The following CUBN variants were observed in gnomAD, a reference collection of about 807,000 sequenced individuals.
The protein encoded by CUBN is cubilin.
Under a neutral mutation model 405.3 loss-of-function variants are expected in CUBN, and 282 were observed. The ratio of observed to expected loss-of-function variants is 0.70; its 90% CI spans 0.63 to 0.77. The LOEUF is 0.77. CUBN is among the 30% of genes least tolerant of loss of function. CUBN has a pLI of 0.00. For missense variants in CUBN, 4,514 were observed against 4,475.2 expected (o/e 1.01, Z -0.25); for synonymous variants, 1,684 against 1,617.0 (o/e 1.04, Z -0.99).
chr10:16,849,306 T>C (rs1364920103), intron 60 of CUBN, among the ~76,000 whole-genome samples: 1 of 152,202 alleles, frequency 6.6e-6, no homozygotes, highest in Admixed American at 6.5e-5. Flanking sequence ...CCTGTGCCTT[T>C]TGCCTTCTCC....
At chr10:17,083,762 A>T (rs35053832) in intron 17 of CUBN, among the ~76,000 whole-genome samples, 1 of 151,992 alleles carries the variant, frequency 6.6e-6, no homozygotes. Context: ...ACAATGTTTT[A>T]TCTTGCTCAA....
chr10:16,872,591 C>G (rs1840392417), intron 58 of CUBN, among the ~76,000 whole-genome samples: 1 of 152,148 alleles, frequency 6.6e-6, no homozygotes, highest in Admixed American at 6.5e-5. Flanking sequence ...CAAGAAGGTA[C>G]CTTCTATAAG....
chr10:16,949,176 C>T (rs540023830), intron 34 of CUBN, among the ~76,000 whole-genome samples: 2 of 152,264 alleles, frequency 1.3e-5, no homozygotes, highest in South Asian at 4.1e-4. Context: ...CAAGGTATTG[C>T]TATGTAACAG....
chr10:16,914,087 C>T lies in CUBN; in HGVS notation c.7352-95G>A, dbSNP rs934339429. 23 of 1,342,518 alleles carry T rather than the reference C, an allele frequency of 1.7e-5. No homozygotes were observed. In the African/African-American group the frequency reaches 2.2e-4, roughly 13 times the overall value. The allele number at this position is 1,342,518 out of a possible 1,614,324, so 83.2% of individuals were successfully genotyped here. The stretch of plus-strand genomic sequence containing the variant: ...CAAAATTCAGGTATTTAAAAATTAT[C>T]CTTCTAGATAAAATTAGTCTCCATA... On this transcript the variant is annotated intron_variant, in intron 47 of 66. Transcript: ENST00000377833.
chr10:17,047,814 G>A (rs1395107777), intron 22 of CUBN, among the ~76,000 whole-genome samples: 1 of 152,154 alleles, frequency 6.6e-6, no homozygotes, highest in Non-Finnish European at 1.5e-5. Flanking sequence ...CTATGGAGAG[G>A]AAATTGTTAT....
chr10:16,849,442 C>T (rs768588554), intron 60 of CUBN, among the ~76,000 whole-genome samples: 3 of 152,240 alleles, frequency 2.0e-5, no homozygotes, highest in East Asian at 3.9e-4. Flanking sequence ...CCTCTCTATT[C>T]GTGGAGCTGT....
rs1837261936 is a variant in CUBN at position 17,129,046 on chromosome 10, T to C, written c.252+75A>G. 4 of 1,162,922 alleles carry C rather than the reference T, an allele frequency of 3.4e-6. No individual in the cohort carries two copies. In the South Asian group the frequency reaches 5.3e-5, roughly 15 times the overall value. The allele number at this position is 1,162,922 out of a possible 1,614,324, so 72.0% of individuals were successfully genotyped here. ...AATTAAAAAAGATTCAAGGTACAGA[T>C]TAATCTAGACTTGTTCAATTAAGTC... is the stretch of plus-strand genomic sequence containing the variant. On this transcript the variant is annotated intron_variant, in intron 2 of 66. Transcript: ENST00000377833.
chr10:16,901,556 A>C (rs990923351), intron 51 of CUBN, 97 bp from the exon 52 acceptor site: 1 of 1,507,928 alleles, frequency 6.6e-7, no homozygotes, highest in African/African-American at 1.4e-5. Context: ...AGATTTTGTG[A>C]TTAAAAACAT....
chr10:17,016,621 G>T (rs2356214), intron 28 of CUBN, among the ~76,000 whole-genome samples: 57,051 of 151,716 alleles, frequency 0.38, 11,094 homozygotes, highest in East Asian at 0.6. Flanking sequence ...GGGAGAAGGG[G>T]ACATGTACCT....
At chr10:17,027,461 A>T (rs1248985851) in intron 27 of CUBN, among the ~76,000 whole-genome samples, 4 of 152,236 alleles carry the variant, frequency 2.6e-5, no homozygotes. Flanking sequence ...GATGACAGGA[A>T]ATCAATACCA....
intron 43 of CUBN, among the ~76,000 whole-genome samples, chr10:16,924,876 T>C (rs1225302754): frequency 1.3e-5 from 2 of 152,192 alleles, no homozygotes; most frequent in African/African-American, 2.4e-5. Flanking sequence ...GTAAGTCTTA[T>C]AATGTTTCTG....
At chr10:17,001,277 G>C (rs1833871538) in intron 28 of CUBN, among the ~76,000 whole-genome samples, 1 of 152,354 alleles carries the variant, frequency 6.6e-6, no homozygotes, top group South Asian at 2.1e-4. Context: ...AGCTTCCACA[G>C]CGTGCAGGGC....
intron 27 of CUBN, among the ~76,000 whole-genome samples, chr10:17,029,792 C>T (rs1231462146): frequency 6.6e-6 from 1 of 152,224 alleles, no homozygotes; most frequent in African/African-American, 2.4e-5. Flanking sequence ...TCATCTGCTT[C>T]TCTGCATCTC....
intron 31 of CUBN, 36 bp from the exon 32 acceptor site, chr10:16,954,584 A>C: frequency 6.2e-7 from 1 of 1,609,882 alleles, no homozygotes; most frequent in East Asian, 2.2e-5. Flanking sequence ...AGTGGTTCAG[A>C]TTCACATCTA....
chr10:16,835,772 T>C (rs1255899326), intron 63 of CUBN, among the ~76,000 whole-genome samples: 1 of 152,136 alleles, frequency 6.6e-6, no homozygotes, highest in African/African-American at 2.4e-5. Context: ...CTTTTTGATT[T>C]TTACAAAATA....
At chr10:16,981,091 A>G (rs1169320239) in intron 31 of CUBN, among the ~76,000 whole-genome samples, 1 of 151,612 alleles carries the variant, frequency 6.6e-6, no homozygotes, top group Non-Finnish European at 1.5e-5. Flanking sequence ...AGTGAGAACC[A>G]TCCCTGTTTT....
chr10:16,975,667 T>C (rs1340740453), intron 31 of CUBN, among the ~76,000 whole-genome samples: 1 of 142,784 alleles, frequency 7.0e-6, no homozygotes, highest in Non-Finnish European at 1.5e-5. Context: ...AGTCTCGCTG[T>C]GTCGCCAGGC....
chr10:16,910,832 A>G (rs1309724568), intron 48 of CUBN, among the ~76,000 whole-genome samples: 6 of 152,112 alleles, frequency 3.9e-5, no homozygotes, highest in Non-Finnish European at 8.8e-5. Flanking sequence ...ATGGTAAAAT[A>G]AAGATAATTT....
chr10:16,997,232 G>A (rs185164081), intron 28 of CUBN, among the ~76,000 whole-genome samples: 34 of 152,122 alleles, frequency 2.2e-4, no homozygotes, highest in African/African-American at 7.2e-4. Context: ...TCTGGAGATC[G>A]AGACCATCCT....
Sources: gnomAD v4.1 joint callset for allele counts (sites outside exome capture counted in the v4.1 genomes callset) on GRCh38, gnomAD v4.1.1 for gene constraint, MANE v1.5 for transcripts, NCBI Gene and HGNC (gene_info 2026-07-23, HGNC 2026-07-21) for gene names.